SLTM: variants seen among roughly 807,000 people sequenced by gnomAD.
The protein encoded by SLTM is SAFB-like transcription modulator.
In SLTM, 43 loss-of-function variants were observed where a neutral mutation model predicts 134.6. The observed-to-expected ratio is 0.32, with a 90% CI of 0.25 to 0.41. The LOEUF is 0.41. SLTM is among the 10% of genes least tolerant of loss of function. SLTM has a pLI of 1.00. For missense variants in SLTM, 1,055 were observed against 1,288.8 expected (o/e 0.82, Z 2.78); for synonymous variants, 424 against 432.3 (o/e 0.98, Z 0.24).
intron 19 of SLTM, among the ~76,000 whole-genome samples, chr15:58,884,196 T>C (rs916851424): frequency 3.9e-4 from 59 of 152,206 alleles, no homozygotes; most frequent in African/African-American, 1.2e-3. Flanking sequence ...ATTAATAAGA[T>C]GTCTGAGAAG....
intron 3 of SLTM, chr15:58,916,584 C>A: frequency 5.6e-6 from 1 of 179,160 alleles, no homozygotes; most frequent in Non-Finnish European, 1.2e-5. Flanking sequence ...AATGCAATGG[C>A]AGATAAAAAA....
In SLTM at chr15:58,916,968, T is replaced by C; in HGVS notation, c.282A>G (p.Gly94=). 1.2e-6 allele frequency: 2 copies of C among 1,613,816 alleles called. No individual in the cohort carries two copies. The highest frequency in any genetic ancestry group is 1.7e-6 in the Non-Finnish European group (2 of 1,179,842). ...AAGCATCATCTTCCACAGAAGCATC[T>C]CCACTCAACTCATCTGCTTCATGTT... The part of the protein sequence containing the change: ...GKKHEADELS[G]DASVEDDAFI... The change falls in exon 3 of 21, where the codon GGA becomes GGG. Residue 94 remains glycine (G), a synonymous_variant. Transcript: ENST00000380516.
intron 20 of SLTM, among the ~76,000 whole-genome samples, chr15:58,881,327 C>G (rs1223102646): frequency 2.3e-4 from 35 of 152,056 alleles, no homozygotes; most frequent in Non-Finnish European, 1.5e-5. Context: ...GAGTTTGAGA[C>G]CAGCCTGGCC....
Position 58,901,282 on chromosome 15 carries a change from A to T in SLTM, c.567T>A (p.Gly189=), listed in dbSNP as rs201257440. The change falls in exon 6 of 21, where the codon GGT becomes GGA. Residue 189 remains glycine, a synonymous_variant. Coordinates refer to ENST00000380516, the MANE Select transcript of SLTM (RefSeq NM_024755.4). ...TACCTTTCTCATTTTCTTCTTCCTC[A>T]CCATCCTGAAATTCAAAGAATAATC... ...EDDTFLTAQD[G]EEEENEKDIA... The T allele has an allele frequency of 1.4e-5, 23 of 1,605,120 alleles. No individual in the cohort carries two copies. The Middle Eastern group carries it at 9.9e-4, about 69-fold the overall frequency.
chr15:58,924,107 G>T (rs997745086), intron 2 of SLTM, among the ~76,000 whole-genome samples: 1 of 152,000 alleles, frequency 6.6e-6, no homozygotes, highest in Non-Finnish European at 1.5e-5. Context: ...GAGCCACCAC[G>T]CCTGGCCTGA....
intron 5 of SLTM, among the ~76,000 whole-genome samples, chr15:58,906,558 A>C (rs2035879720): frequency 6.6e-6 from 1 of 152,216 alleles, no homozygotes. Flanking sequence ...ACTACTCCCC[A>C]TAGGTTATCT....
chr15:58,917,129 TA>T, intron 2 of SLTM, 130 bp from the exon 3 acceptor site: 1 of 792,296 alleles, frequency 1.3e-6, no homozygotes, highest in East Asian at 2.7e-5. Flanking sequence ...CAACTGCTTC[TA>T]AACCACCTGC....
At chr15:58,895,450 G>A (rs769308921) in intron 9 of SLTM, among the ~76,000 whole-genome samples, 7 of 152,062 alleles carry the variant, frequency 4.6e-5, no homozygotes, top group Non-Finnish European at 8.8e-5. Context: ...GACAAAGCAG[G>A]GATGGATGAG....
chr15:58,932,651 G>C (rs2037958948), intron 1 of SLTM, among the ~76,000 whole-genome samples: 2 of 152,252 alleles, frequency 1.3e-5, no homozygotes, highest in African/African-American at 4.8e-5. Context: ...TATCAAAATC[G>C]CAAGGAGTTT....
At chr15:58,880,711 A>C (rs1443511090) in intron 20 of SLTM, among the ~76,000 whole-genome samples, 1 of 152,136 alleles carries the variant, frequency 6.6e-6, no homozygotes, top group Non-Finnish European at 1.5e-5. Flanking sequence ...ACTACAGGCA[A>C]GTGCCGCCAT....
chr15:58,933,356 G>A (rs1175483329), intron 1 of SLTM, 48 bp downstream of exon 1: 1 of 1,521,086 alleles, frequency 6.6e-7, no homozygotes, highest in African/African-American at 1.4e-5. Flanking sequence ...GCCGAGGCGC[G>A]GCCTAAGTTC....
At chr15:58,882,128 C>T (rs903866546) in intron 20 of SLTM, among the ~76,000 whole-genome samples, 6 of 138,534 alleles carry the variant, frequency 4.3e-5, no homozygotes, top group Non-Finnish European at 7.6e-5. Flanking sequence ...GAGGTTGCAG[C>T]GAGCCGAGAC....
intron 5 of SLTM, 28 bp from the exon 6 acceptor site, chr15:58,901,315 A>G: frequency 1.3e-6 from 2 of 1,576,982 alleles, no homozygotes; most frequent in Non-Finnish European, 1.7e-6. Context: ...ATCAAATGTA[A>G]AATGAATTCA....
Position 58,890,428 on chromosome 15 carries a change from C to T in SLTM, c.1932G>A (p.Glu644=), listed in dbSNP as rs758790959. ...CACGAATTATTCTAATGCGTTCTCGCTCTCGACGCTCTCTCTCTGCAATCT... is the reference window on the plus strand; with the variant it reads ...CACGAATTATTCTAATGCGTTCTCGTTCTCGACGCTCTCTCTCTGCAATCT... ...RREIAERERR[E]RERIRIIRER... Residue 644 remains glutamate (E), a synonymous_variant, in exon 15 of 21, where the codon GAG becomes GAA. Coordinates refer to ENST00000380516, the MANE Select transcript of SLTM (RefSeq NM_024755.4). The T allele has an allele frequency of 1.2e-6, 2 of 1,613,870 alleles. No homozygotes were observed. Among genetic ancestry groups the T allele is most frequent in the Non-Finnish European group, 8.5e-7 (1 of 1,179,974 alleles).
At chr15:58,919,912 G>A (rs3145) in intron 2 of SLTM, among the ~76,000 whole-genome samples, 97,020 of 152,048 alleles carry the variant, frequency 0.64, 32,879 homozygotes, top group Middle Eastern at 0.79. Context: ...AAATGGTGCT[G>A]TCAGAACTGA....
intron 3 of SLTM, among the ~76,000 whole-genome samples, chr15:58,914,919 G>A (rs1462446721): frequency 6.6e-6 from 1 of 152,180 alleles, no homozygotes; most frequent in Non-Finnish European, 1.5e-5. Context: ...CCTAGGGCTG[G>A]GCATGGTGGC....
At position 58,917,000 on chromosome 15, in the gene SLTM, C is replaced by T. The variant is rs747207971; in HGVS notation, c.251-1G>A. ...AACTCATCTGCTTCATGTTTTTTAC[C>T]TGCGAAAGAAGGAAAATGGGCTAAC... is the stretch of plus-strand genomic sequence containing the variant. On this transcript the variant is annotated splice_acceptor_variant, in intron 2 of 20. Transcript: ENST00000380516. LOFTEE classifies it high-confidence loss of function. 1.2e-6 allele frequency: 2 copies of T among 1,613,324 alleles called. No individual in the cohort carries two copies. The highest frequency in any genetic ancestry group is 2.2e-5 in the East Asian group (1 of 44,808).
At chr15:58,896,084 C>T (rs1166228046) in intron 9 of SLTM, among the ~76,000 whole-genome samples, 1 of 152,104 alleles carries the variant, frequency 6.6e-6, no homozygotes, top group Non-Finnish European at 1.5e-5. Flanking sequence ...GTCAGGGATG[C>T]GGCTCACAAT....
chr15:58,897,459 GT>G (rs2035176979), intron 8 of SLTM: 1 of 394,628 alleles, frequency 2.5e-6, no homozygotes, highest in South Asian at 4.4e-5. Flanking sequence ...GTTGAAGAGG[GT>G]AAAAAAATCA....
Sources: allele counts gnomAD v4.1 joint callset (sites outside exome capture counted in the v4.1 genomes callset), GRCh38; gene constraint gnomAD v4.1.1; transcripts MANE v1.5; gene names NCBI Gene and HGNC (gene_info 2026-07-23, HGNC 2026-07-21).